The following TSGA10 variants were observed in gnomAD, a reference collection of about 807,000 sequenced individuals.
The protein encoded by TSGA10 is testis specific 10, also known as testis-specific gene 10 protein.
Under a neutral mutation model 96.6 loss-of-function variants are expected in TSGA10, and 43 were observed. The ratio of observed to expected loss-of-function variants is 0.44; its 90% CI spans 0.35 to 0.57. The LOEUF (loss-of-function observed/expected upper bound fraction) is 0.57. Ranked by LOEUF, TSGA10 falls within the 20% of genes least tolerant of loss-of-function variation. TSGA10 has a pLI of 0.01. For missense variants in TSGA10, 703 were observed against 834.4 expected (o/e 0.84, Z 1.94); for synonymous variants, 229 against 269.9 (o/e 0.85, Z 1.48).
chr2:99,108,073 G>A (rs901597773), intron 7 of TSGA10, among the ~76,000 whole-genome samples: 1 of 152,022 alleles, frequency 6.6e-6, no homozygotes, highest in Non-Finnish European at 1.5e-5. Flanking sequence ...CTCACACTTT[G>A]TATCTTTTAA....
chr2:99,083,787 G>A (rs547748041), intron 10 of TSGA10, among the ~76,000 whole-genome samples: 102 of 152,248 alleles, frequency 6.7e-4, no homozygotes, highest in South Asian at 3.1e-3. Flanking sequence ...CAACAGATTA[G>A]TGTCAGATAT....
chr2:99,060,241 TA>T (rs925701098), intron 16 of TSGA10, among the ~76,000 whole-genome samples: 4 of 152,200 alleles, frequency 2.6e-5, no homozygotes, highest in African/African-American at 9.6e-5. Context: ...AATTCTATTC[TA>T]CTTTTGTGTA....
At chr2:99,033,797 G>A (rs752528552) in intron 17 of TSGA10, among the ~76,000 whole-genome samples, 70 of 152,092 alleles carry the variant, frequency 4.6e-4, no homozygotes, top group African/African-American at 1.4e-3. Context: ...CCAAGATCAC[G>A]CCACTGCACT....
chr2:99,031,527 T>TC, intron 17 of TSGA10, among the ~76,000 whole-genome samples: 1 of 152,102 alleles, frequency 6.6e-6, no homozygotes, highest in Non-Finnish European at 1.5e-5. Flanking sequence ...TGAAAACTTT[T>TC]TAATTGAGAA....
rs769627143 is a variant in TSGA10 at position 99,030,663 on chromosome 2, G to GA, written c.1614+4566dup. Among the ~76,000 whole-genome samples the GA allele has an allele frequency of 9.2e-5, 14 of 151,902 alleles. No homozygotes were observed. In the East Asian group the frequency reaches 2.3e-3, roughly 25 times the overall value. On this transcript the variant is annotated intron_variant, in intron 17 of 20. Transcript: ENST00000393483. ...CCCAATCTCTAAAACCAAACCAAAA[G>GA]AAAACAAAAAACAAAAATCAATTGT...
chr2:99,043,374 C>G (rs1210585318), intron 16 of TSGA10, among the ~76,000 whole-genome samples: 2 of 151,912 alleles, frequency 1.3e-5, no homozygotes, highest in African/African-American at 2.4e-5. Context: ...GAAAAATGAA[C>G]AAACCTCCGA....
chr2:99,052,426 T>G (rs1040054297), intron 16 of TSGA10, among the ~76,000 whole-genome samples: 1 of 152,050 alleles, frequency 6.6e-6, no homozygotes, highest in African/African-American at 2.4e-5. Flanking sequence ...AAAATTTTTT[T>G]AAAGCCTGAA....
intron 1 of TSGA10, among the ~76,000 whole-genome samples, chr2:99,140,524 A>G (rs148970103): frequency 1.3e-5 from 2 of 152,126 alleles, no homozygotes; most frequent in African/African-American, 4.8e-5. Context: ...GTGAGTTTTT[A>G]GGTATCAAGT....
In TSGA10 at chr2:99,020,481, C is replaced by T; in HGVS notation, c.1616G>A (p.Arg539Lys). ...LVAKDQEIEM[R>K]ENELDSAHSE... is the part of the protein sequence containing the mutation. ...ATGAGCAGAATCTAACTCATTCTCC[C>T]TCTGTTCAATAACAAGAAGATATCT... Residue 539 changes from arginine (R) to lysine (K), a missense_variant and splice_region_variant, in exon 18 of 21, where the codon AGG becomes AAG. By Grantham distance (26) the Arg-to-Lys change is conservative. This residue lies in a region of TSGA10 where 585 missense variants were observed against 656.8 expected (regional missense o/e 0.89). Transcript: ENST00000393483. 3.1e-6 allele frequency: 5 copies of T among 1,602,568 alleles called. No individual in the cohort carries two copies. The highest frequency in any genetic ancestry group is 4.3e-6 in the Non-Finnish European group (5 of 1,170,872).
At chr2:99,042,466 C>A (rs547526794) in intron 16 of TSGA10, among the ~76,000 whole-genome samples, 1 of 152,092 alleles carries the variant, frequency 6.6e-6, no homozygotes, top group African/African-American at 2.4e-5. Context: ...TCTGACCAGA[C>A]GAGATTTCCC....
chr2:99,071,413 G>C (rs2085948688), intron 14 of TSGA10, among the ~76,000 whole-genome samples: 1 of 151,012 alleles, frequency 6.6e-6, no homozygotes, highest in African/African-American at 2.4e-5. Context: ...TTTTCTTTAA[G>C]GTTTCTCAAG....
intron 2 of TSGA10, 114 bp downstream of exon 2, chr2:99,126,934 C>A (rs138448077): frequency 7.2e-6 from 7 of 968,158 alleles, no homozygotes; most frequent in Non-Finnish European, 9.5e-6. Flanking sequence ...GATTTTAGAC[C>A]CATAACATTT....
intron 20 of TSGA10, among the ~76,000 whole-genome samples, chr2:99,013,743 C>T (rs902752078): frequency 6.6e-5 from 10 of 151,728 alleles, no homozygotes; most frequent in Non-Finnish European, 1.5e-4. Flanking sequence ...AGGCTGGCTG[C>T]GGGGGCTCAT....
intron 1 of TSGA10, chr2:99,142,526 G>A (rs541051356): frequency 6.6e-6 from 1 of 152,134 alleles, no homozygotes; most frequent in East Asian, 1.9e-4. Context: ...TCTTTTCATC[G>A]TGTTATTACA....
intron 16 of TSGA10, among the ~76,000 whole-genome samples, chr2:99,064,205 T>C (rs1325317447): frequency 6.6e-6 from 1 of 152,198 alleles, no homozygotes; most frequent in African/African-American, 2.4e-5. Context: ...GTAAAAGGTT[T>C]GTTGCAGTGT....
rs1237697449 is a variant in TSGA10, at chr2:99,127,090, T to G, written c.-534A>C. ...AGATGAATCTATCTTGGTTTCTCAC[T>G]TCTTGTTCTAGCTGGAGAGTATTCT... On this transcript the variant is annotated 5_prime_UTR_variant, in exon 2 of 21. Transcript: ENST00000393483. The G allele has an allele frequency of 1.6e-6, 2 of 1,289,638 alleles. No individual in the cohort carries two copies. Among genetic ancestry groups the G allele is most frequent in the Non-Finnish European group, 2.0e-6 (2 of 988,850 alleles). The allele number at this position is 1,289,638 out of a possible 1,614,324, so 79.9% of individuals were successfully genotyped here.
In TSGA10 at chr2:99,044,061, C is replaced by G. The variant is rs187472734; in HGVS notation, c.1405-8622G>C. Among the ~76,000 whole-genome samples the G allele has an allele frequency of 1.8e-4, 28 of 152,230 alleles. No homozygotes were observed. In the East Asian group the frequency reaches 5.2e-3, roughly 28 times the overall value. ...ATTGGATAGGAAAAACTGGTACCAG[C>G]CACTGCAAAAACATACCAAATTGTA... On this transcript the variant is annotated intron_variant, in intron 16 of 20. Transcript: ENST00000393483.
At chr2:99,025,501 C>T (rs948004344) in intron 17 of TSGA10, among the ~76,000 whole-genome samples, 1 of 152,138 alleles carries the variant, frequency 6.6e-6, no homozygotes, top group Non-Finnish European at 1.5e-5. Context: ...TAATTTGGCT[C>T]TGTCACTTTG....
At chr2:99,088,119 TTC>T (rs2088792391) in intron 10 of TSGA10, among the ~76,000 whole-genome samples, 1 of 152,216 alleles carries the variant, frequency 6.6e-6, no homozygotes, top group Admixed American at 6.5e-5. Flanking sequence ...ATTTTCTCAA[TTC>T]TCTCAAGGAT....
Sources: allele counts gnomAD v4.1 joint callset (sites outside exome capture counted in the v4.1 genomes callset), GRCh38; gene constraint gnomAD v4.1.1; regional missense constraint gnomAD v4.1.1; transcripts MANE v1.5; gene names NCBI Gene and HGNC (gene_info 2026-07-23, HGNC 2026-07-21).